The following SCCPDH variants were observed in gnomAD, a reference collection of about 807,000 sequenced individuals.
SCCPDH encodes the protein saccharopine dehydrogenase-like oxidoreductase.
Under a neutral mutation model 51.5 loss-of-function variants are expected in SCCPDH, and 34 were observed. The observed-to-expected ratio is 0.66, with a 90% confidence interval of 0.50 to 0.88. The LOEUF is 0.88. Ranked by LOEUF, SCCPDH falls within the 40% of genes least tolerant of loss-of-function variation. The probability of loss-of-function intolerance (pLI) is 0.00; values close to 1 mark genes in which losing one functional copy is unlikely to be tolerated. For synonymous variants in SCCPDH, 187 were observed against 191.3 expected, an observed-to-expected ratio of 0.98 and a Z score of 0.19; for missense variants, 464 against 527.1, an observed-to-expected ratio of 0.88 and a Z score of 1.17.
chr1:246,750,571 T>C (rs1426271950), intron 5 of SCCPDH, among the ~76,000 whole-genome samples: 2 of 152,204 alleles, frequency 1.3e-5, no homozygotes, highest in Non-Finnish European at 2.9e-5. Flanking sequence ...GAGTATGATA[T>C]TCCCATGTTA....
rs1669008894 is a variant in SCCPDH, at chr1:246,761,269, G to T, written c.990+1042G>T. On this transcript the variant is annotated intron_variant, in intron 9 of 11. Transcript: ENST00000366510. ...TTTTTGTATTTTTAGTAGAGACACG[G>T]TTTCACCAAGTTGGGCAGGCTGGTC... Among the ~76,000 whole-genome samples the T allele has an allele frequency of 1.3e-5, 2 of 152,166 alleles. 1 individual carries two copies. The highest frequency in any genetic ancestry group is 6.3e-3 in the Middle Eastern group (2 of 316).
Position 246,760,196 on chromosome 1 carries a change from A to G in SCCPDH, c.959A>G (p.Tyr320Cys), listed in dbSNP as rs772087790. ...TTCCCATGGTTCTTCTCCTTTGGCT[A>G]TTTTTCAAAACAAGGCCCAACACAA... is the stretch of plus-strand genomic sequence containing the variant. ...IKFPWFFSFG[Y>C]FSKQGPTQKQ... Residue 320 changes from tyrosine to cysteine, a missense_variant, in exon 9 of 12, where the codon TAT becomes TGT. Tyr to Cys is a radical substitution (Grantham distance 194, BLOSUM62 -2). Transcript: ENST00000366510. The G allele has an allele frequency of 6.8e-6, 11 of 1,609,384 alleles. No homozygotes were observed. The highest frequency in any genetic ancestry group is 1.7e-5 in the Admixed American group (1 of 59,514).
At chr1:246,738,466 A>G (rs779997598) in intron 3 of SCCPDH, among the ~76,000 whole-genome samples, 1 of 150,618 alleles carries the variant, frequency 6.6e-6, no homozygotes, top group Non-Finnish European at 1.5e-5. Context: ...AGCCAAGATC[A>G]TGCCACTGCA....
chr1:246,743,054 G>A (rs2102984624), intron 4 of SCCPDH, among the ~76,000 whole-genome samples: 1 of 152,212 alleles, frequency 6.6e-6, no homozygotes, highest in African/African-American at 2.4e-5. Flanking sequence ...CTGTTAATAA[G>A]CCTTTTGAAA....
chr1:246,729,907 T>C (rs1201755170), intron 2 of SCCPDH, among the ~76,000 whole-genome samples: 3 of 152,234 alleles, frequency 2.0e-5, no homozygotes, highest in African/African-American at 7.2e-5. Flanking sequence ...TGGCTTCAGC[T>C]GGTCCCTCTG....
chr1:246,763,738 T>C (rs1669051264), intron 9 of SCCPDH, among the ~76,000 whole-genome samples: 1 of 152,206 alleles, frequency 6.6e-6, no homozygotes, highest in Non-Finnish European at 1.5e-5. Flanking sequence ...CCTTAGTTGA[T>C]ACTTCATAAA....
chr1:246,750,631 C>G (rs1446394524), intron 5 of SCCPDH, among the ~76,000 whole-genome samples: 1 of 152,164 alleles, frequency 6.6e-6, no homozygotes, highest in Admixed American at 6.5e-5. Context: ...TGAAATGAGT[C>G]CTATTATCTG....
At chr1:246,726,786 A>G (rs1668406032) in intron 1 of SCCPDH, 106 bp from the exon 2 acceptor site, 1 of 738,180 alleles carries the variant, frequency 1.4e-6, no homozygotes, top group Admixed American at 2.3e-5. Flanking sequence ...CTTTCAGCAT[A>G]TCAGTGTATT....
intron 9 of SCCPDH, among the ~76,000 whole-genome samples, chr1:246,762,321 C>T (rs1232516211): frequency 6.6e-6 from 1 of 152,148 alleles, no homozygotes; most frequent in Admixed American, 6.5e-5. Flanking sequence ...CTTTGGGTTG[C>T]CGTTTTACTT....
intron 5 of SCCPDH, among the ~76,000 whole-genome samples, chr1:246,753,198 C>G (rs924844706): frequency 6.6e-6 from 1 of 151,992 alleles, no homozygotes; most frequent in Non-Finnish European, 1.5e-5. Context: ...GGTCTAGGTT[C>G]TTTACAGGTT....
At chr1:246,741,247 C>G (rs1221826508) in intron 4 of SCCPDH, among the ~76,000 whole-genome samples, 1 of 151,958 alleles carries the variant, frequency 6.6e-6, no homozygotes, top group Non-Finnish European at 1.5e-5. Flanking sequence ...AAAGATAGCA[C>G]ACACACACAC....
chr1:246,725,138 T>TA, intron 1 of SCCPDH, among the ~76,000 whole-genome samples: 1 of 152,344 alleles, frequency 6.6e-6, no homozygotes, highest in African/African-American at 2.4e-5. Flanking sequence ...GTTTTGTGTG[T>TA]AAGAATACTC....
chr1:246,743,953 C>G (rs1668718501), intron 4 of SCCPDH, 123 bp from the exon 5 acceptor site: 1 of 582,202 alleles, frequency 1.7e-6, no homozygotes, highest in Non-Finnish European at 3.1e-6. Context: ...TACAAATTTT[C>G]TGTGTCAGCT....
chr1:246,763,574 A>G (rs1669049060), intron 9 of SCCPDH, among the ~76,000 whole-genome samples: 1 of 152,180 alleles, frequency 6.6e-6, no homozygotes, highest in Admixed American at 6.5e-5. Context: ...CTGGTAGATT[A>G]ATAACACCCT....
chr1:246,756,899 G>A (rs1483924050), intron 5 of SCCPDH, among the ~76,000 whole-genome samples: 3 of 152,124 alleles, frequency 2.0e-5, no homozygotes, highest in Non-Finnish European at 4.4e-5. Flanking sequence ...GACAGAATTA[G>A]TTTTGAATCT....
intron 2 of SCCPDH, among the ~76,000 whole-genome samples, chr1:246,735,716 G>A (rs919373374): frequency 4.6e-5 from 7 of 152,130 alleles, no homozygotes; most frequent in African/African-American, 1.7e-4. Context: ...ATTTTTAGTC[G>A]AGATGGGGTT....
chr1:246,745,988 G>A (rs1188985767), intron 5 of SCCPDH, among the ~76,000 whole-genome samples: 1 of 151,738 alleles, frequency 6.6e-6, no homozygotes. Context: ...GGCACCTGTA[G>A]TCCCAGCTAC....
intron 5 of SCCPDH, among the ~76,000 whole-genome samples, chr1:246,757,443 G>C (rs1213461038): frequency 2.7e-5 from 4 of 148,344 alleles, no homozygotes; most frequent in Non-Finnish European, 4.5e-5. Flanking sequence ...GGTGGCGCTA[G>C]AGGTAAGGGT....
intron 4 of SCCPDH, 86 bp from the exon 5 acceptor site, chr1:246,743,990 G>A: frequency 1.3e-6 from 1 of 757,982 alleles, no homozygotes; most frequent in South Asian, 1.7e-5. Flanking sequence ...TAGTCCCTAA[G>A]TGAATACGCA....
Sources: allele counts gnomAD v4.1 joint callset (sites outside exome capture counted in the v4.1 genomes callset), GRCh38; gene constraint gnomAD v4.1.1; transcripts MANE v1.5; gene names NCBI Gene and HGNC (gene_info 2026-07-23, HGNC 2026-07-21).